Variants in CD6 observed in about 807,000 individuals in gnomAD.
CD6 encodes T-cell differentiation antigen CD6.
Under a neutral mutation model 75.3 loss-of-function variants are expected in CD6, and 53 were observed. The observed-to-expected ratio is 0.70, with a 90% confidence interval of 0.56 to 0.88. CD6 has a LOEUF of 0.88. Ranked by LOEUF, CD6 falls within the 40% of genes least tolerant of loss-of-function variation. The probability of loss-of-function intolerance (pLI) is 0.00; values close to 1 mark genes in which losing one functional copy is unlikely to be tolerated. For synonymous variants in CD6, 359 were observed against 381.5 expected (o/e 0.94, Z 0.69); for missense variants, 770 against 897.1 (o/e 0.86, Z 1.81).
At chr11:60,996,419 C>A (rs1858296607) in intron 1 of CD6, among the ~76,000 whole-genome samples, 1 of 152,216 alleles carries the variant, frequency 6.6e-6, no homozygotes, top group Non-Finnish European at 1.5e-5. Context: ...GCTTCCCAAA[C>A]CTGCAAACCA....
chr11:60,972,454 C>T (rs752346154), intron 1 of CD6, among the ~76,000 whole-genome samples: 5 of 152,170 alleles, frequency 3.3e-5, no homozygotes, highest in African/African-American at 7.2e-5. Context: ...AGGGCATAAG[C>T]GAGCATGAAG....
intron 1 of CD6, among the ~76,000 whole-genome samples, chr11:60,972,442 C>T (rs1308898061): frequency 2.0e-5 from 3 of 152,174 alleles, no homozygotes; most frequent in Non-Finnish European, 1.5e-5. Flanking sequence ...CTGGGGTAGT[C>T]TAGGGCATAA....
intron 1 of CD6, among the ~76,000 whole-genome samples, chr11:61,005,792 G>T (rs189090384): frequency 6.6e-6 from 1 of 152,220 alleles, no homozygotes; most frequent in East Asian, 1.9e-4. Flanking sequence ...TTAGCCAGGC[G>T]TGGTGGCGCA....
intron 1 of CD6, among the ~76,000 whole-genome samples, chr11:60,991,693 G>A (rs1210011230): frequency 6.6e-6 from 1 of 151,384 alleles, no homozygotes; most frequent in Non-Finnish European, 1.5e-5. Flanking sequence ...CATTTTAGAG[G>A]TGGAATCTCA....
intron 1 of CD6, among the ~76,000 whole-genome samples, chr11:60,986,482 C>T (rs1030805277): frequency 6.6e-6 from 1 of 152,224 alleles, no homozygotes; most frequent in South Asian, 2.1e-4. Flanking sequence ...CACTCTTCAG[C>T]TTTTGCGCTC....
intron 1 of CD6, among the ~76,000 whole-genome samples, chr11:61,003,021 G>A (rs557281282): frequency 1.3e-5 from 2 of 152,196 alleles, no homozygotes; most frequent in South Asian, 4.2e-4. Context: ...CTGGAGGGCA[G>A]TGGCGCAATC....
In CD6 at chr11:61,010,922, G is replaced by A. The variant is rs749011462; in HGVS notation, c.1085-148G>A. The A allele has an allele frequency of 3.9e-5, 26 of 662,330 alleles. No homozygotes were observed. The South Asian group carries it at 4.4e-4, about 11-fold the overall frequency. The allele number at this position is 662,330 out of a possible 1,614,324, so 41.0% of individuals were successfully genotyped here. A position where few individuals can be genotyped will look rare whatever the true frequency, so the allele number is the denominator to read the frequency against. Reference sequence around the variant, plus strand: ...GTGGGGGGTGGGGTAGGGGAGGGAGGTAAGTTTCCTTAGCCACGTGTCCCT... The same window carrying A: ...GTGGGGGGTGGGGTAGGGGAGGGAGATAAGTTTCCTTAGCCACGTGTCCCT... On this transcript the variant is annotated intron_variant, in intron 5 of 12. Coordinates refer to ENST00000313421, the MANE Select transcript of CD6 (RefSeq NM_006725.5).
chr11:61,017,991 C>T lies in CD6; in HGVS notation c.1815C>T (p.Ala605=), dbSNP rs12417503. 263,630 of 1,611,658 alleles carry T rather than the reference C, an allele frequency of 0.16. 23,535 individuals are homozygous for T. The highest frequency in any genetic ancestry group is 0.19 in the Non-Finnish European group (220,720 of 1,179,678). The stretch of plus-strand genomic sequence containing the variant: ...AGCAGCCCCCAAACTTGGAGCTGGC[C>T]GGCACCCAGCCAGCCTTTTCAGGTA... The part of the protein sequence containing the change: ...FLEQPPNLEL[A]GTQPAFSAGP... The change falls in exon 11 of 13, where the codon GCC becomes GCT. Residue 605 remains alanine (A), a synonymous_variant. Coordinates refer to ENST00000313421, the MANE Select transcript of CD6 (RefSeq NM_006725.5).
intron 6 of CD6, 143 bp downstream of exon 6, chr11:61,011,278 C>T: frequency 1.5e-6 from 1 of 679,706 alleles, no homozygotes; most frequent in Non-Finnish European, 2.6e-6. Context: ...GGACTTGCCT[C>T]CCCGGGGCTC....
At position 61,018,299 on chromosome 11, in the gene CD6, G is replaced by A. The variant is rs368270330; in HGVS notation, c.1848G>A (p.Pro616=). The part of the protein sequence containing the change: ...GTQPAFSAGP[P]ADDSSSTSSG... ...TCTGGGGGTTTCCAGCAGGGCCCCC[G>A]GCTGATGACAGCTCCAGCACCTCAT... is the stretch of plus-strand genomic sequence containing the variant. Residue 616 remains proline, a synonymous_variant, in exon 12 of 13, where the codon CCG becomes CCA. Transcript: ENST00000313421. The A allele has an allele frequency of 2.2e-5, 36 of 1,602,010 alleles. No homozygotes were observed. Among genetic ancestry groups the A allele is most frequent in the Admixed American group, 3.4e-5 (2 of 58,930 alleles).
At chr11:61,015,927 AC>A (rs1944019201) in intron 9 of CD6, 92 bp downstream of exon 9, 1 of 1,463,108 alleles carries the variant, frequency 6.8e-7, no homozygotes. Context: ...CCACCTAGTA[AC>A]CCCTGCATGA....
At chr11:60,981,153 C>T (rs748856850) in intron 1 of CD6, among the ~76,000 whole-genome samples, 25 of 152,240 alleles carry the variant, frequency 1.6e-4, no homozygotes, top group Non-Finnish European at 3.4e-4. Flanking sequence ...ATCACGTCCT[C>T]CAGTGCAGCA....
intron 1 of CD6, among the ~76,000 whole-genome samples, chr11:61,005,329 C>T (rs1254845002): frequency 6.6e-6 from 1 of 152,172 alleles, no homozygotes; most frequent in Non-Finnish European, 1.5e-5. Flanking sequence ...ATGTCCTTCA[C>T]ATGAGGGACA....
rs374768308 is a variant in CD6 at position 61,019,246 on chromosome 11, G to A, written c.1943-8G>A. The stretch of plus-strand genomic sequence containing the variant: ...GTCTCCCACTAATCTGGGCCTCTCT[G>A]CCCACAGGGTCCCCCAGCCCTCAGC... On this transcript the variant is annotated splice_polypyrimidine_tract_variant and splice_region_variant and intron_variant, in intron 12 of 12. Coordinates refer to ENST00000313421, the MANE Select transcript of CD6 (RefSeq NM_006725.5). 1 of 1,610,338 alleles carries A rather than the reference G, an allele frequency of 6.2e-7. No homozygotes were observed. Among genetic ancestry groups the A allele is most frequent in the Non-Finnish European group, 8.5e-7 (1 of 1,179,014 alleles).
intron 1 of CD6, among the ~76,000 whole-genome samples, chr11:60,979,063 G>A (rs984492869): frequency 2.6e-5 from 4 of 152,206 alleles, no homozygotes; most frequent in African/African-American, 9.7e-5. Context: ...GAGGTTTAGC[G>A]AGGCTAAGAG....
At chr11:60,996,589 C>A (rs549565596) in intron 1 of CD6, among the ~76,000 whole-genome samples, 2 of 152,318 alleles carry the variant, frequency 1.3e-5, no homozygotes, top group South Asian at 2.1e-4. Context: ...CATCACTGCT[C>A]GGGACAAAAG....
At chr11:60,984,824 G>A (rs887733372) in intron 1 of CD6, among the ~76,000 whole-genome samples, 4 of 152,212 alleles carry the variant, frequency 2.6e-5, no homozygotes, top group Non-Finnish European at 2.9e-5. Context: ...GAGCAGGGGC[G>A]GAGGCCCTGA....
chr11:61,003,416 G>A (rs1419244586), intron 1 of CD6, among the ~76,000 whole-genome samples: 4 of 152,176 alleles, frequency 2.6e-5, no homozygotes, highest in African/African-American at 4.8e-5. Context: ...AAAGAAAAGT[G>A]TGAGGCACAG....
intron 1 of CD6, among the ~76,000 whole-genome samples, chr11:60,990,383 C>T (rs1271430874): frequency 2.0e-5 from 3 of 152,122 alleles, no homozygotes; most frequent in Non-Finnish European, 4.4e-5. Context: ...CACCACCACA[C>T]CCGGCTAATT....
Sources: allele counts gnomAD v4.1 joint callset (sites outside exome capture counted in the v4.1 genomes callset), GRCh38; gene constraint gnomAD v4.1.1; transcripts MANE v1.5; gene names NCBI Gene and HGNC (gene_info 2026-07-23, HGNC 2026-07-21).